MACROD2: variants seen among roughly 807,000 people sequenced by gnomAD.
The protein encoded by MACROD2 is mono-ADP ribosylhydrolase 2.
In MACROD2, 36 loss-of-function variants were observed where a neutral mutation model predicts 70.4. The ratio of observed to expected loss-of-function variants is 0.51; its 90% confidence interval spans 0.39 to 0.68. MACROD2 has a LOEUF of 0.68. Among genes scored for constraint, MACROD2 ranks in the 30% least tolerant of loss-of-function variants. The pLI, the probability that MACROD2 is intolerant of heterozygous loss-of-function variation, is 0.00. For missense variants in MACROD2, 496 were observed against 538.4 expected (o/e 0.92, Z 0.78); for synonymous variants, 172 against 178.8 (o/e 0.96, Z 0.30).
chr20:15,759,623 A>G (rs2051405323), intron 8 of MACROD2, among the ~76,000 whole-genome samples: 1 of 152,180 alleles, frequency 6.6e-6, no homozygotes, highest in South Asian at 2.1e-4. Context: ...GGGACTCTAC[A>G]TGTGATTGCA....
chr20:15,319,724 A>G (rs1043005493), intron 6 of MACROD2, among the ~76,000 whole-genome samples: 3 of 152,222 alleles, frequency 2.0e-5, no homozygotes, highest in Non-Finnish European at 4.4e-5. Flanking sequence ...AACTGTGGAA[A>G]TGCATGAATG....
At chr20:15,481,125 C>T (rs762730188) in intron 7 of MACROD2, among the ~76,000 whole-genome samples, 3 of 152,232 alleles carry the variant, frequency 2.0e-5, no homozygotes, top group African/African-American at 4.8e-5. Flanking sequence ...TAAGTTGATA[C>T]ATTGGAATGC....
At position 15,950,546 on chromosome 20, in the gene MACROD2, C is replaced by G. The variant is rs1028410402; in HGVS notation, c.907+13002C>G. On this transcript the variant is annotated intron_variant, in intron 12 of 17. Coordinates refer to ENST00000684519, the MANE Select transcript of MACROD2 (RefSeq NM_001351661.2). ...AAACAAAAACTAAACAAAGAGGTGGCTCTACTGAAAAACAGAAATCATGAC... is the reference window on the plus strand; with the variant it reads ...AAACAAAAACTAAACAAAGAGGTGGGTCTACTGAAAAACAGAAATCATGAC... Among the ~76,000 whole-genome samples, 3 of 152,106 alleles carry G rather than the reference C, an allele frequency of 2.0e-5. No individual in the cohort carries two copies. In the South Asian group the frequency reaches 6.2e-4, roughly 32 times the overall value.
At chr20:14,898,729 C>G (rs1296940958) in intron 5 of MACROD2, among the ~76,000 whole-genome samples, 1 of 152,184 alleles carries the variant, frequency 6.6e-6, no homozygotes. Flanking sequence ...GTCCTCACAT[C>G]TTTGTACCAT....
At chr20:14,890,786 A>C (rs1285966672) in intron 5 of MACROD2, among the ~76,000 whole-genome samples, 1 of 151,342 alleles carries the variant, frequency 6.6e-6, no homozygotes, top group Non-Finnish European at 1.5e-5. Context: ...AAATTAAAAA[A>C]AAAAGAAAGA....
intron 6 of MACROD2, among the ~76,000 whole-genome samples, chr20:15,297,218 G>C (rs1230099535): frequency 1.3e-5 from 2 of 152,184 alleles, no homozygotes; most frequent in Non-Finnish European, 1.5e-5. Context: ...CAGGGGCTGG[G>C]AGAGTTATTG....
At chr20:15,877,429 A>G (rs2064691243) in intron 9 of MACROD2, among the ~76,000 whole-genome samples, 1 of 152,020 alleles carries the variant, frequency 6.6e-6, no homozygotes, top group Non-Finnish European at 1.5e-5. Context: ...TTGGCCAAGG[A>G]TCAGTTGAAG....
intron 5 of MACROD2, among the ~76,000 whole-genome samples, chr20:14,743,293 G>A (rs1447793438): frequency 1.3e-5 from 2 of 152,056 alleles, no homozygotes; most frequent in Non-Finnish European, 2.9e-5. Context: ...CATGGCTAGA[G>A]GGATGTTATA....
intron 3 of MACROD2, among the ~76,000 whole-genome samples, chr20:14,215,043 A>G (rs1243586527): frequency 6.7e-6 from 1 of 148,410 alleles, no homozygotes; most frequent in Non-Finnish European, 1.5e-5. Context: ...CATATATTCC[A>G]TCATATATAT....
At chr20:15,328,793 G>C (rs941967813) in intron 6 of MACROD2, among the ~76,000 whole-genome samples, 1 of 151,648 alleles carries the variant, frequency 6.6e-6, no homozygotes, top group Non-Finnish European at 1.5e-5. Context: ...CTTTTTCTTT[G>C]ACATAACAAT....
At chr20:14,300,177 C>T (rs920885553) in intron 3 of MACROD2, among the ~76,000 whole-genome samples, 1 of 152,194 alleles carries the variant, frequency 6.6e-6, no homozygotes, top group Non-Finnish European at 1.5e-5. Context: ...GTAAAACTTT[C>T]GTTTACTGAT....
chr20:14,227,324 C>G (rs965535010), intron 3 of MACROD2, among the ~76,000 whole-genome samples: 4 of 152,134 alleles, frequency 2.6e-5, no homozygotes, highest in Non-Finnish European at 5.9e-5. Context: ...ATGGTGGAAG[C>G]TTTGTTCTTT....
In MACROD2 at chr20:15,237,304, C is replaced by T. The variant is rs117086842; in HGVS notation, c.540+7243C>T. Among the ~76,000 whole-genome samples, 43 of 152,284 alleles carry T rather than the reference C, an allele frequency of 2.8e-4. No homozygotes were observed. In the East Asian group the frequency reaches 8.1e-3, roughly 29 times the overall value. The stretch of plus-strand genomic sequence containing the variant: ...AAATTATGCTACAGATGGCCATGCC[C>T]AAGCAGCAGGAGAGTTTTTCACACC... On this transcript the variant is annotated intron_variant, in intron 6 of 17. Transcript: ENST00000684519.
intron 2 of MACROD2, among the ~76,000 whole-genome samples, chr20:14,084,676 C>A (rs1296778572): frequency 1.3e-5 from 2 of 151,942 alleles, no homozygotes; most frequent in African/African-American, 4.8e-5. Context: ...TTTAGATATA[C>A]CTGCTTGCTG....
At chr20:15,852,754 A>G (rs1038987765) in intron 8 of MACROD2, among the ~76,000 whole-genome samples, 2 of 152,212 alleles carry the variant, frequency 1.3e-5, no homozygotes, top group Admixed American at 6.5e-5. Flanking sequence ...AGCTGCTTAT[A>G]TATACCATGG....
chr20:14,414,989 A>G (rs921920533), intron 3 of MACROD2, among the ~76,000 whole-genome samples: 1 of 151,130 alleles, frequency 6.6e-6, no homozygotes, highest in Admixed American at 6.6e-5. Flanking sequence ...ATATAAATGT[A>G]TATGTATTTC....
At chr20:15,638,663 A>G (rs2049406945) in intron 8 of MACROD2, among the ~76,000 whole-genome samples, 2 of 152,192 alleles carry the variant, frequency 1.3e-5, no homozygotes, top group Admixed American at 1.3e-4. Flanking sequence ...ATTACAAACA[A>G]TAACCACCAT....
At chr20:14,976,497 G>T (rs1945677061) in intron 5 of MACROD2, among the ~76,000 whole-genome samples, 1 of 152,152 alleles carries the variant, frequency 6.6e-6, no homozygotes, top group Admixed American at 6.6e-5. Context: ...GGGCCCACCT[G>T]TGTAATCACT....
intron 5 of MACROD2, among the ~76,000 whole-genome samples, chr20:15,170,746 A>C (rs2076416782): frequency 6.6e-6 from 1 of 152,232 alleles, no homozygotes; most frequent in African/African-American, 2.4e-5. Flanking sequence ...CAAGCCCCAA[A>C]GAACAGTGTT....
Sources: gnomAD v4.1 joint callset for allele counts (sites outside exome capture counted in the v4.1 genomes callset) on GRCh38, gnomAD v4.1.1 for gene constraint, MANE v1.5 for transcripts, NCBI Gene and HGNC (gene_info 2026-07-23, HGNC 2026-07-21) for gene names.